Variants in PCBD2 observed in about 807,000 individuals in gnomAD.
PCBD2 encodes pterin-4-alpha-carbinolamine dehydratase 2.
In PCBD2, 12 loss-of-function variants were observed where a neutral mutation model predicts 16.4. The observed-to-expected ratio is 0.73, with a 90% CI of 0.47 to 1.19. The LOEUF (loss-of-function observed/expected upper bound fraction) is 1.19, where lower values mean the gene tolerates loss of function less well. Ranked by LOEUF, PCBD2 falls within the 50% of genes most tolerant of loss-of-function variation. The pLI is 0.00. For missense variants in PCBD2, 138 were observed against 156.8 expected, an observed-to-expected ratio of 0.88 and a Z score of 0.64; for synonymous variants, 58 against 61.8, an observed-to-expected ratio of 0.94 and a Z score of 0.29.
intron 2 of PCBD2, among the ~76,000 whole-genome samples, chr5:134,917,383 C>A (rs1350273079): frequency 1.3e-5 from 2 of 152,206 alleles, no homozygotes; most frequent in Non-Finnish European, 2.9e-5. Flanking sequence ...TGGAAATAAG[C>A]TCAGGATCAG....
At chr5:134,909,255 T>A (rs1277880443) in intron 1 of PCBD2, among the ~76,000 whole-genome samples, 1 of 152,194 alleles carries the variant, frequency 6.6e-6, no homozygotes, top group Non-Finnish European at 1.5e-5. Context: ...GGAGAGAGTT[T>A]GTCTGACTGG....
intron 2 of PCBD2, among the ~76,000 whole-genome samples, chr5:134,947,575 G>C (rs1329137430): frequency 6.6e-6 from 1 of 151,700 alleles, no homozygotes; most frequent in Non-Finnish European, 1.5e-5. Context: ...TTTTAGTAGA[G>C]ACAGGGTTTC....
chr5:134,941,455 T>C lies in PCBD2; in HGVS notation c.217-17585T>C, dbSNP rs551516985. On this transcript the variant is annotated intron_variant, in intron 2 of 3. Coordinates refer to ENST00000254908, the MANE Select transcript of PCBD2 (RefSeq NM_032151.5). The stretch of plus-strand genomic sequence containing the variant: ...CCCAAGTATAGAATTGCTCTTCTAA[T>C]TTTGCCCCTGAAACTGCAATGTATG... Among the ~76,000 whole-genome samples the C allele has an allele frequency of 2.6e-5, 4 of 152,360 alleles. No individual in the cohort carries two copies. The South Asian group carries it at 8.3e-4, about 32-fold the overall frequency.
In PCBD2 at chr5:134,945,384, G is replaced by T. The variant is rs1359420880; in HGVS notation, c.217-13656G>T. On this transcript the variant is annotated intron_variant, in intron 2 of 3. Transcript: ENST00000254908. ...GAATGGGAGCCTGCTCTGAGGAGGAGAAAACAAATGATCTTGTTTATATAC... is the reference window on the plus strand; with the variant it reads ...GAATGGGAGCCTGCTCTGAGGAGGATAAAACAAATGATCTTGTTTATATAC... Among the ~76,000 whole-genome samples, 5 of 152,102 alleles carry T rather than the reference G, an allele frequency of 3.3e-5. No individual in the cohort carries two copies. The South Asian group carries it at 8.3e-4, about 25-fold the overall frequency.
At chr5:134,909,764 G>T (rs1233376057) in intron 1 of PCBD2, among the ~76,000 whole-genome samples, 1 of 152,106 alleles carries the variant, frequency 6.6e-6, no homozygotes, top group Non-Finnish European at 1.5e-5. Flanking sequence ...AATCTTTGTT[G>T]TATCTGTAAT....
chr5:134,932,703 T>C (rs1751113568), intron 2 of PCBD2, among the ~76,000 whole-genome samples: 1 of 151,608 alleles, frequency 6.6e-6, no homozygotes. Flanking sequence ...AGGCTGGTCT[T>C]GAATTCCTGG....
intron 2 of PCBD2, among the ~76,000 whole-genome samples, chr5:134,954,731 T>G (rs773746590): frequency 2.6e-5 from 4 of 152,096 alleles, no homozygotes; most frequent in Non-Finnish European, 4.4e-5. Flanking sequence ...TGTGAATGTT[T>G]GAAGTCAGCA....
chr5:134,955,947 T>C (rs1343932067), intron 2 of PCBD2, among the ~76,000 whole-genome samples: 1 of 152,242 alleles, frequency 6.6e-6, no homozygotes, highest in Non-Finnish European at 1.5e-5. Context: ...AATCAAACTT[T>C]CGTTTGAGTT....
chr5:134,942,625 A>T (rs1751242997), intron 2 of PCBD2, among the ~76,000 whole-genome samples: 1 of 152,200 alleles, frequency 6.6e-6, no homozygotes, highest in Admixed American at 6.5e-5. Context: ...TGATGAAAAT[A>T]AAAAAGTAAT....
intron 2 of PCBD2, among the ~76,000 whole-genome samples, chr5:134,948,813 G>A (rs1259569891): frequency 6.6e-6 from 1 of 151,608 alleles, no homozygotes; most frequent in African/African-American, 2.4e-5. Flanking sequence ...TCTCACAGGT[G>A]TTGACCTGTT....
chr5:134,958,891 C>T (rs1452972482), intron 2 of PCBD2, 149 bp from the exon 3 acceptor site: 4 of 611,502 alleles, frequency 6.5e-6, no homozygotes, highest in Non-Finnish European at 1.2e-5. Context: ...CCCCAGAGGC[C>T]TGCAGAGAGC....
At chr5:134,942,025 G>T (rs952823720) in intron 2 of PCBD2, among the ~76,000 whole-genome samples, 2 of 151,458 alleles carry the variant, frequency 1.3e-5, no homozygotes, top group Non-Finnish European at 2.9e-5. Context: ...AGCTACTTGG[G>T]GGGGCTGAGG....
At chr5:134,959,920 T>A (rs995398962) in intron 3 of PCBD2, among the ~76,000 whole-genome samples, 1 of 140,558 alleles carries the variant, frequency 7.1e-6, no homozygotes, top group African/African-American at 2.7e-5. Flanking sequence ...AGTTGGAGTC[T>A]GGCTCTGTTG....
intron 1 of PCBD2, among the ~76,000 whole-genome samples, chr5:134,906,402 C>T (rs920035454): frequency 1.3e-4 from 19 of 151,728 alleles, no homozygotes; most frequent in Non-Finnish European, 2.4e-4. Context: ...GGCGGGGTTT[C>T]ACCGTGTTAG....
intron 2 of PCBD2, chr5:134,924,982 A>G (rs1750966646): frequency 2.5e-6 from 1 of 393,168 alleles, no homozygotes. Flanking sequence ...TAGGGAAGTG[A>G]CGCCTAGGGC....
chr5:134,921,227 TCTC>T (rs1750899907), intron 2 of PCBD2, among the ~76,000 whole-genome samples: 1 of 152,202 alleles, frequency 6.6e-6, no homozygotes, highest in Admixed American at 6.5e-5. Context: ...GCCCAGAAGA[TCTC>T]CTAGTTTTGC....
intron 2 of PCBD2, among the ~76,000 whole-genome samples, chr5:134,939,530 G>T (rs1751199862): frequency 6.6e-6 from 1 of 152,106 alleles, no homozygotes; most frequent in Non-Finnish European, 1.5e-5. Context: ...AAAAAAACCA[G>T]AGGCTCCTAA....
intron 2 of PCBD2, among the ~76,000 whole-genome samples, chr5:134,939,930 T>A (rs1024423101): frequency 9.5e-5 from 12 of 126,960 alleles, no homozygotes; most frequent in South Asian, 9.1e-4. Flanking sequence ...TAATAAGAAA[T>A]TTTTTTTTTT....
chr5:134,947,009 G>C (rs998449618), intron 2 of PCBD2, among the ~76,000 whole-genome samples: 21 of 152,026 alleles, frequency 1.4e-4, no homozygotes, highest in Non-Finnish European at 2.2e-4. Context: ...GTTAGTAGTA[G>C]TTATGTCTCC....
Sources: allele counts gnomAD v4.1 joint callset (sites outside exome capture counted in the v4.1 genomes callset), GRCh38; gene constraint gnomAD v4.1.1; transcripts MANE v1.5; gene names NCBI Gene and HGNC (gene_info 2026-07-23, HGNC 2026-07-21).